CDK5RAP2: variants seen among roughly 807,000 people sequenced by gnomAD.
The protein encoded by CDK5RAP2 is CDK5 regulatory subunit-associated protein 2.
CDK5RAP2 carries 147 observed loss-of-function variants against 232.9 expected under a neutral mutation model. That is an observed-to-expected ratio of 0.63 (90% CI 0.55 to 0.72). The LOEUF (loss-of-function observed/expected upper bound fraction) is 0.72. Among genes scored for constraint, CDK5RAP2 ranks in the 30% least tolerant of loss-of-function variants. The probability of loss-of-function intolerance (pLI) is 0.00; values close to 1 mark genes in which losing one functional copy is unlikely to be tolerated. For synonymous variants in CDK5RAP2, 833 were observed against 833.7 expected (o/e 1.00, Z 0.01); for missense variants, 2,195 against 2,231.5 (o/e 0.98, Z 0.33).
intron 12 of CDK5RAP2, among the ~76,000 whole-genome samples, chr9:120,512,353 GAATT>G (rs1330431937): frequency 1.3e-5 from 2 of 152,058 alleles, no homozygotes; most frequent in Non-Finnish European, 2.9e-5. Context: ...TGTCTCAAAT[GAATT>G]AATTAATTAA....
intron 36 of CDK5RAP2, among the ~76,000 whole-genome samples, chr9:120,392,576 T>TTC (rs1218454144): frequency 6.6e-6 from 1 of 151,966 alleles, no homozygotes; most frequent in African/African-American, 2.4e-5. Flanking sequence ...ATGCAGAGAG[T>TTC]TCTGCCTTTC....
At chr9:120,573,773 TC>T (rs2042937986) in intron 1 of CDK5RAP2, among the ~76,000 whole-genome samples, 1 of 152,214 alleles carries the variant, frequency 6.6e-6, no homozygotes, top group Admixed American at 6.5e-5. Context: ...GAGGTTTTCT[TC>T]CTTTTTAATG....
At chr9:120,530,219 G>T in intron 7 of CDK5RAP2, 79 bp from the exon 8 acceptor site, 1 of 1,038,940 alleles carries the variant, frequency 9.6e-7, no homozygotes, top group African/African-American at 1.6e-5. Flanking sequence ...AGGAAATGGG[G>T]CCAGATATCT....
intron 1 of CDK5RAP2, 133 bp downstream of exon 1, chr9:120,579,787 C>A (rs887377967): frequency 8.4e-6 from 6 of 712,924 alleles, no homozygotes; most frequent in Admixed American, 2.3e-5. Context: ...GAGACCCTCT[C>A]CGAAGGAACC....
At chr9:120,447,162 T>C (rs1320792293) in intron 22 of CDK5RAP2, among the ~76,000 whole-genome samples, 1 of 152,206 alleles carries the variant, frequency 6.6e-6, no homozygotes, top group Admixed American at 6.5e-5. Context: ...AAGTTCAAAA[T>C]TAGGAGTCAA....
chr9:120,441,240 T>C (rs950950300), intron 23 of CDK5RAP2, among the ~76,000 whole-genome samples: 1 of 152,206 alleles, frequency 6.6e-6, no homozygotes, highest in African/African-American at 2.4e-5. Context: ...GGCAGCGGAA[T>C]GTAGTAGAAA....
intron 35 of CDK5RAP2, among the ~76,000 whole-genome samples, chr9:120,397,410 T>C (rs547439054): frequency 6.6e-6 from 1 of 151,532 alleles, no homozygotes; most frequent in African/African-American, 2.4e-5. Flanking sequence ...TTTTTTTTTT[T>C]AAATAAAGAC....
intron 11 of CDK5RAP2, 93 bp downstream of exon 11, chr9:120,524,893 T>C: frequency 3.4e-6 from 3 of 889,882 alleles, no homozygotes; most frequent in Non-Finnish European, 5.7e-6. Flanking sequence ...GTTTTCCTTA[T>C]TAAAATCACC....
At chr9:120,543,747 A>G (rs1196361753) in intron 5 of CDK5RAP2, among the ~76,000 whole-genome samples, 2 of 152,172 alleles carry the variant, frequency 1.3e-5, no homozygotes, top group African/African-American at 2.4e-5. Context: ...AATCCCAGCT[A>G]CTCAGGAGGC....
At chr9:120,579,108 C>T (rs578001617) in intron 1 of CDK5RAP2, among the ~76,000 whole-genome samples, 1 of 152,342 alleles carries the variant, frequency 6.6e-6, no homozygotes, top group African/African-American at 2.4e-5. Context: ...GACCCCAGCT[C>T]CACCAGCAAT....
rs747768090 is a variant in CDK5RAP2, at chr9:120,572,075, A to G, written c.60-34T>C. 6.7e-6 allele frequency: 10 copies of G among 1,498,496 alleles called. No individual in the cohort carries two copies. In the African/African-American group the frequency reaches 1.4e-4, roughly 21 times the overall value. The allele number at this position is 1,498,496 out of a possible 1,614,324, so 92.8% of individuals were successfully genotyped here. On this transcript the variant is annotated intron_variant, in intron 1 of 37. Transcript: ENST00000349780. ...GAACACATGAGATAAGAGATGAGCT[A>G]ATGTTTGAACAACAGAGACTGTTAA...
At position 120,407,202 on chromosome 9, in the gene CDK5RAP2, C is replaced by A; in HGVS notation, c.4773G>T (p.Leu1591=). 6.2e-7 allele frequency: 1 copy of A among 1,613,664 alleles called. No individual in the cohort carries two copies. Among genetic ancestry groups the A allele is most frequent in the Non-Finnish European group, 8.5e-7 (1 of 1,180,030 alleles). ...GWKGQDPFRD[L]HSLLMEIQAL... ...CCTGGATCTCCATCAGGAGGCTGTGCAGGTCCCTGAAAGGATCCTGCCCCT... is the reference window on the plus strand; with the variant it reads ...CCTGGATCTCCATCAGGAGGCTGTGAAGGTCCCTGAAAGGATCCTGCCCCT... Residue 1591 remains leucine, a synonymous_variant, in exon 32 of 38, where the codon CTG becomes CTT. Transcript: ENST00000349780.
intron 12 of CDK5RAP2, among the ~76,000 whole-genome samples, chr9:120,500,171 T>G (rs371112150): frequency 2.0e-5 from 3 of 152,346 alleles, no homozygotes; most frequent in African/African-American, 7.2e-5. Context: ...ATGATCGTTA[T>G]GCTGACCAAT....
At chr9:120,400,907 T>C (rs753384409) in intron 34 of CDK5RAP2, 22 bp from the exon 35 acceptor site, 2 of 1,614,066 alleles carry the variant, frequency 1.2e-6, no homozygotes, top group South Asian at 1.1e-5. Context: ...ATATGAAGGC[T>C]GTTACGTGCA....
In CDK5RAP2 at chr9:120,580,114, GGA is replaced by G. The variant is rs1310144234; in HGVS notation, c.-138_-137del. ...TTGTTCAGACTCTGGCGGCGCCGCT[GGA>G]ATTCAAACCACAGACGCCGCCATCT... is the stretch of plus-strand genomic sequence containing the variant. On this transcript the variant is annotated 5_prime_UTR_variant, in exon 1 of 38. Transcript: ENST00000349780. 1.7e-6 allele frequency: 1 copy of G among 594,308 alleles called. No homozygotes were observed. The highest frequency in any genetic ancestry group is 1.9e-5 in the African/African-American group (1 of 52,962). 36.8% of individuals were successfully genotyped at this position (594,308 alleles called of 1,614,324 possible).
At chr9:120,416,646 T>A (rs2034239738) in intron 27 of CDK5RAP2, among the ~76,000 whole-genome samples, 1 of 152,216 alleles carries the variant, frequency 6.6e-6, no homozygotes, top group African/African-American at 2.4e-5. Context: ...CTCTGCCACA[T>A]CTCACTTTAA....
At chr9:120,439,279 C>G in intron 24 of CDK5RAP2, 120 bp downstream of exon 24, 1 of 931,850 alleles carries the variant, frequency 1.1e-6, no homozygotes, top group Non-Finnish European at 1.7e-6. Context: ...ATCAAGCCTT[C>G]CCCAGAACAC....
At chr9:120,465,965 C>T (rs954180060) in intron 18 of CDK5RAP2, among the ~76,000 whole-genome samples, 1 of 152,176 alleles carries the variant, frequency 6.6e-6, no homozygotes, top group African/African-American at 2.4e-5. Context: ...CACTTCCAAA[C>T]GTTAATTAAC....
intron 22 of CDK5RAP2, among the ~76,000 whole-genome samples, chr9:120,445,895 G>C (rs1291683805): frequency 1.3e-5 from 2 of 152,156 alleles, no homozygotes; most frequent in Non-Finnish European, 2.9e-5. Flanking sequence ...CCACCGGAAT[G>C]GTCAACAGGC....
Sources: gnomAD v4.1 joint callset for allele counts (sites outside exome capture counted in the v4.1 genomes callset) on GRCh38, gnomAD v4.1.1 for gene constraint, MANE v1.5 for transcripts, NCBI Gene and HGNC (gene_info 2026-07-23, HGNC 2026-07-21) for gene names.